Variants in DAB1 observed in about 807,000 individuals in gnomAD.
DAB1 encodes disabled homolog 1.
DAB1 carries 15 observed loss-of-function variants against 64.6 expected under a neutral mutation model. The observed-to-expected ratio is 0.23, with a 90% CI of 0.16 to 0.36. DAB1 has a LOEUF of 0.36. DAB1 is among the 10% of genes least tolerant of loss of function. The pLI is 1.00. For missense variants in DAB1, 596 were observed against 706.7 expected, an observed-to-expected ratio of 0.84 and a Z score of 1.78; for synonymous variants, 235 against 251.9, an observed-to-expected ratio of 0.93 and a Z score of 0.64.
At chr1:57,168,775 G>A (rs1211904249) in intron 2 of DAB1, among the ~76,000 whole-genome samples, 1 of 152,162 alleles carries the variant, frequency 6.6e-6, no homozygotes, top group African/African-American at 2.4e-5. Context: ...AGAGAAATCA[G>A]CTGGGTGCAG....
intron 5 of DAB1, among the ~76,000 whole-genome samples, chr1:57,905,275 C>T (rs2749276): frequency 0.17 from 26,487 of 151,552 alleles, 2,674 homozygotes; most frequent in Admixed American, 0.27. Flanking sequence ...CCTCCTTCCA[C>T]GCTTTCTTCT....
chr1:58,104,053 A>G (rs1232808764), intron 5 of DAB1, among the ~76,000 whole-genome samples: 1 of 152,212 alleles, frequency 6.6e-6, no homozygotes, highest in Non-Finnish European at 1.5e-5. Flanking sequence ...GATATTCCCA[A>G]TAAAGAGGAC....
At chr1:57,019,223 A>C (rs567156490) in intron 11 of DAB1, among the ~76,000 whole-genome samples, 1 of 152,292 alleles carries the variant, frequency 6.6e-6, no homozygotes, top group Non-Finnish European at 1.5e-5. Flanking sequence ...AAGGCCCTAC[A>C]TAAAGGTAAA....
chr1:57,107,076 T>TA (rs1206100558), intron 4 of DAB1, among the ~76,000 whole-genome samples: 6 of 151,756 alleles, frequency 4.0e-5, no homozygotes, highest in African/African-American at 7.3e-5. Flanking sequence ...CCCCAAGTAT[T>TA]AAAAAAAATC....
intron 4 of DAB1, among the ~76,000 whole-genome samples, chr1:58,340,645 T>C (rs1456614581): frequency 1.3e-5 from 2 of 152,044 alleles, no homozygotes; most frequent in Admixed American, 6.6e-5. Context: ...CAAATCACAA[T>C]AAGTGGCTGA....
chr1:57,680,581 G>T (rs1429272454), intron 6 of DAB1, among the ~76,000 whole-genome samples: 1 of 152,148 alleles, frequency 6.6e-6, no homozygotes, highest in Non-Finnish European at 1.5e-5. Flanking sequence ...TCACTCCAAT[G>T]ATTTGTTTTC....
At chr1:57,416,043 G>T (rs1260259938) in intron 1 of DAB1, among the ~76,000 whole-genome samples, 2 of 152,144 alleles carry the variant, frequency 1.3e-5, no homozygotes, top group East Asian at 3.9e-4. Flanking sequence ...ACACAGCCAT[G>T]ATTTTGTACC....
At chr1:58,334,816 A>T (rs1051483317) in intron 4 of DAB1, among the ~76,000 whole-genome samples, 3 of 151,934 alleles carry the variant, frequency 2.0e-5, no homozygotes, top group African/African-American at 7.2e-5. Flanking sequence ...TGTATTAGTA[A>T]ATGATTGTTC....
chr1:57,074,968 G>A (rs993217971), intron 4 of DAB1, among the ~76,000 whole-genome samples: 1 of 152,156 alleles, frequency 6.6e-6, no homozygotes, highest in African/African-American at 2.4e-5. Context: ...CGCACAACAT[G>A]GGGGCATTGA....
chr1:57,171,009 C>T (rs948933070), intron 2 of DAB1, among the ~76,000 whole-genome samples: 1 of 152,084 alleles, frequency 6.6e-6, no homozygotes, highest in African/African-American at 2.4e-5. Flanking sequence ...GCAAAGAGTT[C>T]GATACGGCTT....
At chr1:58,121,437 A>G (rs1332916402) in intron 5 of DAB1, among the ~76,000 whole-genome samples, 3 of 152,196 alleles carry the variant, frequency 2.0e-5, no homozygotes, top group Non-Finnish European at 4.4e-5. Context: ...TATGATGTTC[A>G]TGATACTCCC....
rs1359411462 is a variant in DAB1, at chr1:58,512,073, T to TA, written n.108-5865dup. Among the ~76,000 whole-genome samples the TA allele has an allele frequency of 5.3e-5, 8 of 152,176 alleles. No homozygotes were observed. In the South Asian group the frequency reaches 1.7e-3, roughly 32 times the overall value. ...CAACTCAATAGCAAAAAACCCAATTTAAAAAATAGGCAAAGGATCTCAATA... is the reference window on the plus strand; with the variant it reads ...CAACTCAATAGCAAAAAACCCAATTTAAAAAAATAGGCAAAGGATCTCAATA... On this transcript the variant is annotated intron_variant and non_coding_transcript_variant, in intron 2 of 20. Transcript: ENST00000485760.
intron 8 of DAB1, among the ~76,000 whole-genome samples, chr1:57,066,891 T>C (rs1015864967): frequency 6.6e-6 from 1 of 152,200 alleles, no homozygotes. Context: ...TCTCCAGGAC[T>C]GTCTGCCTCA....
intron 4 of DAB1, among the ~76,000 whole-genome samples, chr1:58,175,872 G>A (rs1289375834): frequency 6.6e-6 from 1 of 152,180 alleles, no homozygotes; most frequent in Admixed American, 6.5e-5. Context: ...CTTGATCACA[G>A]CCCACAGATG....
At chr1:57,149,791 T>C (rs1304468958) in intron 2 of DAB1, among the ~76,000 whole-genome samples, 1 of 152,168 alleles carries the variant, frequency 6.6e-6, no homozygotes, top group Non-Finnish European at 1.5e-5. Context: ...AGCCTCATTT[T>C]TTCGTGTCAC....
chr1:57,671,286 T>A (rs2101684078), intron 6 of DAB1, among the ~76,000 whole-genome samples: 1 of 152,220 alleles, frequency 6.6e-6, no homozygotes. Flanking sequence ...AATAAATATT[T>A]TACGCTTTTT....
chr1:58,272,642 A>G (rs1557719752), intron 4 of DAB1, among the ~76,000 whole-genome samples: 2 of 141,154 alleles, frequency 1.4e-5, no homozygotes, highest in Non-Finnish European at 3.1e-5. Context: ...GTCTCCCATT[A>G]TTAATGCGTG....
intron 6 of DAB1, among the ~76,000 whole-genome samples, chr1:57,773,042 C>A (rs143371082): frequency 9.3e-4 from 141 of 152,134 alleles, no homozygotes; most frequent in African/African-American, 3.2e-3. Context: ...GAACTGCCAG[C>A]AACCACAAGA....
rs145064159 is a variant in DAB1, at chr1:57,739,290, C to T, written n.552-89625G>A. On this transcript the variant is annotated intron_variant and non_coding_transcript_variant, in intron 6 of 20. Transcript: ENST00000485760. ...ATACCTGTGTGAACCTGACTTCACA[C>T]CTTTGCTCATCTGAAGTGCTCTCAC... Among the ~76,000 whole-genome samples, 272 of 152,126 alleles carry T rather than the reference C, an allele frequency of 1.8e-3. 1 individual carries two copies. The highest frequency in any genetic ancestry group is 6.1e-3 in the African/African-American group (253 of 41,490).
Sources: allele counts gnomAD v4.1 joint callset (sites outside exome capture counted in the v4.1 genomes callset), GRCh38; gene constraint gnomAD v4.1.1; transcripts MANE v1.5; gene names NCBI Gene and HGNC (gene_info 2026-07-23, HGNC 2026-07-21).